Variants in TIAM2 observed in about 807,000 individuals in gnomAD.
TIAM2 encodes the protein TIAM Rac1 associated GEF 2.
In TIAM2, 80 loss-of-function variants were observed where a neutral mutation model predicts 152.9. The ratio of observed to expected loss-of-function variants is 0.52; its 90% confidence interval spans 0.44 to 0.63. The LOEUF is 0.63. Ranked by LOEUF, TIAM2 falls within the 30% of genes least tolerant of loss-of-function variation. TIAM2 has a pLI of 0.00. For synonymous variants in TIAM2, 804 were observed against 838.0 expected (o/e 0.96, Z 0.70); for missense variants, 1,965 against 2,120.1 (o/e 0.93, Z 1.44).
chr6:155,179,263 T>C, intron 11 of TIAM2, 115 bp from the exon 12 acceptor site: 1 of 1,416,296 alleles, frequency 7.1e-7, no homozygotes, highest in South Asian at 1.2e-5. Flanking sequence ...GGAAACAGTC[T>C]CTATATAAAC....
rs1583167139 is a variant in TIAM2 at position 155,047,685 on chromosome 6, AGAGGAGAGAGAGAGAGAGAGC to A, written c.-208-42600_-208-42580del. 3.8e-3 allele frequency among the ~76,000 whole-genome samples: 83 copies of A among 21,598 alleles called. 2 individuals are homozygous for A. Among genetic ancestry groups the A allele is most frequent in the South Asian group, 8.2e-3 (5 of 612 alleles). The allele number at this position is 21,598 out of a possible 152,430, so 14.2% of individuals were successfully genotyped here. ...AGAGAGAGGAGAGAGAGAGAGAGAG[AGAGGAGAGAGAGAGAGAGAGC>A]GAGAGAGAGAGAGAGAGAGCGAGAG... On this transcript the variant is annotated intron_variant, in intron 1 of 26. Transcript: ENST00000682666.
intron 1 of TIAM2, among the ~76,000 whole-genome samples, chr6:155,028,637 TTA>T (rs1299690742): frequency 0.013 from 1,458 of 116,530 alleles, 127 homozygotes; most frequent in African/African-American, 0.044. Context: ...ATATACTGTG[TTA>T]TATATATACT....
At chr6:155,119,490 C>G (rs1401759356) in intron 2 of TIAM2, among the ~76,000 whole-genome samples, 1 of 152,098 alleles carries the variant, frequency 6.6e-6, no homozygotes, top group East Asian at 1.9e-4. Context: ...CAGGCATGAG[C>G]CACTGTGACC....
chr6:155,239,964 A>T (rs117365306), intron 15 of TIAM2, among the ~76,000 whole-genome samples: 1,881 of 152,212 alleles, frequency 0.012, 15 homozygotes, highest in Non-Finnish European at 0.02. Context: ...AGAGTTTCTC[A>T]CTCATAATTC....
chr6:155,083,582 A>T lies in TIAM2; in HGVS notation c.-208-6707A>T, dbSNP rs113805365. 1.1e-3 allele frequency among the ~76,000 whole-genome samples: 166 copies of T among 152,264 alleles called. 1 individual carries two copies. The highest frequency in any genetic ancestry group is 3.8e-3 in the African/African-American group (157 of 41,544). ...GTAAATATTGCACAAGCCTCCCCAG[A>T]TACTAAATATGTGTAATTCTTGGGG... On this transcript the variant is annotated intron_variant, in intron 1 of 26. Coordinates refer to ENST00000682666, the MANE Select transcript of TIAM2 (RefSeq NM_012454.4).
intron 2 of TIAM2, among the ~76,000 whole-genome samples, chr6:155,109,251 T>C (rs1213607486): frequency 2.0e-5 from 3 of 152,210 alleles, no homozygotes; most frequent in African/African-American, 7.2e-5. Context: ...CCCAAAGTGC[T>C]GGGATTACAG....
intron 1 of TIAM2, among the ~76,000 whole-genome samples, chr6:155,028,113 CTGTGTTACATATATACTAT>C (rs1776655263): frequency 4.4e-5 from 4 of 91,078 alleles, no homozygotes; most frequent in East Asian, 5.6e-4. Flanking sequence ...AATATATGTA[CTGTGTTACATATATACTAT>C]ATATAATATA....
At chr6:155,000,908 C>T (rs532025351) in intron 1 of TIAM2, among the ~76,000 whole-genome samples, 1 of 152,242 alleles carries the variant, frequency 6.6e-6, no homozygotes, top group African/African-American at 2.4e-5. Flanking sequence ...TGCTTGAATC[C>T]GAGAGGTGGA....
intron 2 of TIAM2, among the ~76,000 whole-genome samples, chr6:155,121,312 T>C (rs1444327185): frequency 1.3e-5 from 2 of 152,224 alleles, no homozygotes; most frequent in African/African-American, 4.8e-5. Context: ...ATTAGACTTA[T>C]AACTACAAAT....
chr6:155,027,939 T>C, intron 1 of TIAM2, among the ~76,000 whole-genome samples: 1 of 111,300 alleles, frequency 9.0e-6, no homozygotes, highest in South Asian at 2.7e-4. Context: ...CTATATATAA[T>C]ATATGTACTG....
At chr6:155,237,118 G>A (rs1782803249) in intron 15 of TIAM2, among the ~76,000 whole-genome samples, 1 of 152,214 alleles carries the variant, frequency 6.6e-6, no homozygotes, top group African/African-American at 2.4e-5. Context: ...GATACAATGG[G>A]GGTACAGGCA....
At chr6:155,042,785 T>C (rs1001428) in intron 1 of TIAM2, among the ~76,000 whole-genome samples, 41,141 of 151,742 alleles carry the variant, frequency 0.27, 5,895 homozygotes, top group African/African-American at 0.38. Context: ...ACGCTGAAAA[T>C]CTACTCTCAG....
chr6:155,123,338 T>C (rs58209752), intron 2 of TIAM2, among the ~76,000 whole-genome samples: 28,061 of 152,124 alleles, frequency 0.18, 4,117 homozygotes, highest in African/African-American at 0.4. Context: ...TGAGTTGATA[T>C]ACCAGTCTTT....
chr6:155,042,184 C>A (rs1017063177), intron 1 of TIAM2, among the ~76,000 whole-genome samples: 1 of 151,910 alleles, frequency 6.6e-6, no homozygotes, highest in African/African-American at 2.4e-5. Context: ...ATCCTCATTC[C>A]GCTACACCAC....
intron 1 of TIAM2, among the ~76,000 whole-genome samples, chr6:155,010,693 C>T (rs952427419): frequency 2.0e-5 from 3 of 152,036 alleles, no homozygotes; most frequent in East Asian, 1.9e-4. Context: ...TCAGGTGATC[C>T]GCCCGCCTCG....
At chr6:155,120,025 G>T (rs9397783) in intron 2 of TIAM2, among the ~76,000 whole-genome samples, 62,096 of 152,104 alleles carry the variant, frequency 0.41, 14,776 homozygotes, top group African/African-American at 0.64. Context: ...TCAGCCTTCT[G>T]TAAGCCATGC....
intron 1 of TIAM2, among the ~76,000 whole-genome samples, chr6:155,054,377 G>A (rs997644724): frequency 5.3e-5 from 8 of 152,088 alleles, no homozygotes; most frequent in African/African-American, 1.9e-4. Flanking sequence ...GATGAAAGCT[G>A]CTTTTTAAAG....
intron 1 of TIAM2, among the ~76,000 whole-genome samples, chr6:155,025,482 A>G (rs1583156126): frequency 6.6e-6 from 1 of 151,846 alleles, no homozygotes; most frequent in Middle Eastern, 3.4e-3. Context: ...CGCCCGGCCT[A>G]ATTTTTGTAT....
Position 155,146,425 on chromosome 6 carries a change from T to C in TIAM2, c.1803+1647T>C, listed in dbSNP as rs992465442. On this transcript the variant is annotated intron_variant, in intron 6 of 26. Transcript: ENST00000682666. ...TTTTCCCAGGTGTTCTGTTTTGTGA[T>C]CCCAGAGGCCACTTGAGGTTTGACC... 2.6e-5 allele frequency among the ~76,000 whole-genome samples: 4 copies of C among 152,264 alleles called. No individual in the cohort carries two copies. The South Asian group carries it at 8.3e-4, about 32-fold the overall frequency.
Sources: allele counts gnomAD v4.1 joint callset (sites outside exome capture counted in the v4.1 genomes callset), GRCh38; gene constraint gnomAD v4.1.1; transcripts MANE v1.5; gene names NCBI Gene and HGNC (gene_info 2026-07-23, HGNC 2026-07-21).